The following TNKS variants were observed in gnomAD, a reference collection of about 807,000 sequenced individuals.
TNKS encodes tankyrase.
A neutral mutation model predicts 135.8 loss-of-function variants in TNKS; 72 were observed. The ratio of observed to expected loss-of-function variants is 0.53; its 90% CI spans 0.44 to 0.64. The LOEUF (loss-of-function observed/expected upper bound fraction) is 0.64, where lower values mean the gene tolerates loss of function less well. TNKS is among the 30% of genes least tolerant of loss of function. The pLI is 0.00. For missense variants in TNKS, 1,769 were observed against 1,674.0 expected (o/e 1.06, Z -0.99); for synonymous variants, 849 against 649.3 (o/e 1.31, Z -4.68).
chr8:9,571,994 T>G (rs1797774965), intron 1 of TNKS, among the ~76,000 whole-genome samples: 1 of 152,146 alleles, frequency 6.6e-6, no homozygotes, highest in Non-Finnish European at 1.5e-5. Flanking sequence ...TTGGTTAAGT[T>G]TTCTTTGTAA....
At chr8:9,657,773 A>G (rs1316412529) in intron 3 of TNKS, among the ~76,000 whole-genome samples, 679 of 77,252 alleles carry the variant, frequency 8.8e-3, no homozygotes, top group Middle Eastern at 0.065. Flanking sequence ...CTGGCCGGGC[A>G]GGGGGCTGAC....
At chr8:9,671,416 C>G (rs1296919236) in intron 3 of TNKS, among the ~76,000 whole-genome samples, 2 of 152,146 alleles carry the variant, frequency 1.3e-5, no homozygotes, top group Admixed American at 6.5e-5. Context: ...TGGAATATAA[C>G]TTAACAATAA....
At chr8:9,758,069 T>C (rs1235924625) in intron 20 of TNKS, among the ~76,000 whole-genome samples, 2 of 152,218 alleles carry the variant, frequency 1.3e-5, no homozygotes, top group Non-Finnish European at 2.9e-5. Context: ...TCTCAGCTCT[T>C]CTGTGTACTA....
intron 2 of TNKS, among the ~76,000 whole-genome samples, chr8:9,610,281 G>A (rs946199108): frequency 6.9e-6 from 1 of 145,246 alleles, no homozygotes; most frequent in Admixed American, 6.8e-5. Flanking sequence ...AGATAAAAGA[G>A]TTTTTAAAAA....
At chr8:9,662,044 A>G (rs1334727795) in intron 3 of TNKS, among the ~76,000 whole-genome samples, 1 of 152,244 alleles carries the variant, frequency 6.6e-6, no homozygotes, top group African/African-American at 2.4e-5. Flanking sequence ...ATGAGATACC[A>G]TCTCACACAC....
At chr8:9,603,675 G>A (rs796144171) in intron 2 of TNKS, among the ~76,000 whole-genome samples, 43 of 152,282 alleles carry the variant, frequency 2.8e-4, no homozygotes, top group African/African-American at 9.9e-4. Flanking sequence ...GTTCTCATAG[G>A]TTCCTCCAAA....
At chr8:9,667,327 T>C (rs1177900655) in intron 3 of TNKS, among the ~76,000 whole-genome samples, 1 of 152,232 alleles carries the variant, frequency 6.6e-6, no homozygotes, top group Non-Finnish European at 1.5e-5. Flanking sequence ...TCAGGATATA[T>C]GAACAAAGCG....
At chr8:9,734,226 C>A (rs77956414) in intron 15 of TNKS, among the ~76,000 whole-genome samples, 13,524 of 152,170 alleles carry the variant, frequency 0.089, 727 homozygotes, top group South Asian at 0.17. Flanking sequence ...CCTTGACTTA[C>A]AACTAATTTC....
chr8:9,580,239 C>T lies in TNKS; in HGVS notation c.754C>T (p.Pro252Ser), dbSNP rs1798117507. 6 of 1,614,102 alleles carry T rather than the reference C, an allele frequency of 3.7e-6. No homozygotes were observed. The highest frequency in any genetic ancestry group is 5.1e-6 in the Non-Finnish European group (6 of 1,180,024). The change falls in exon 2 of 27, where the codon CCG (proline) becomes TCG (serine). Residue 252 changes from proline to serine, a missense_variant. By Grantham distance (74) the Pro-to-Ser change is moderately conservative (BLOSUM62 -1). Coordinates refer to ENST00000310430, the MANE Select transcript of TNKS (RefSeq NM_003747.3). ...VHARDDGGLI[P>S]LHNACSFGHA... ...CGCTCGTGATGATGGAGGTCTCATC[C>T]CGCTTCATAATGCCTGTTCTTTTGG... is the stretch of plus-strand genomic sequence containing the variant.
chr8:9,586,495 C>A (rs1441161759), intron 2 of TNKS, among the ~76,000 whole-genome samples: 1 of 151,890 alleles, frequency 6.6e-6, no homozygotes, highest in African/African-American at 2.4e-5. Flanking sequence ...TGAGAGAGAG[C>A]AAAAATAAAA....
intron 11 of TNKS, among the ~76,000 whole-genome samples, chr8:9,718,863 A>G (rs1202397395): frequency 4.6e-5 from 7 of 152,188 alleles, no homozygotes; most frequent in Admixed American, 3.3e-4. Flanking sequence ...CTGAATGTTA[A>G]GTATTTTTTA....
intron 5 of TNKS, among the ~76,000 whole-genome samples, chr8:9,696,522 C>G (rs961153602): frequency 4.6e-5 from 7 of 152,042 alleles, no homozygotes; most frequent in African/African-American, 1.7e-4. Flanking sequence ...TTCACTGACA[C>G]TATGATTTTA....
chr8:9,639,096 A>G (rs1408385759), intron 3 of TNKS, among the ~76,000 whole-genome samples: 1 of 152,194 alleles, frequency 6.6e-6, no homozygotes, highest in Non-Finnish European at 1.5e-5. Context: ...TTAGACTTTT[A>G]TCATCATACT....
At chr8:9,664,154 C>G (rs141026412) in intron 3 of TNKS, among the ~76,000 whole-genome samples, 258 of 152,288 alleles carry the variant, frequency 1.7e-3, no homozygotes, top group African/African-American at 5.8e-3. Flanking sequence ...GTTTATTTGG[C>G]TCACAGTTTT....
intron 3 of TNKS, among the ~76,000 whole-genome samples, chr8:9,668,195 C>T (rs775584882): frequency 6.6e-6 from 1 of 152,102 alleles, no homozygotes; most frequent in Non-Finnish European, 1.5e-5. Flanking sequence ...TTAAAGCTTT[C>T]GGAGATTTAC....
intron 5 of TNKS, among the ~76,000 whole-genome samples, chr8:9,702,400 G>T (rs904315084): frequency 2.0e-5 from 3 of 152,128 alleles, no homozygotes; most frequent in Non-Finnish European, 2.9e-5. Context: ...TATTAATGTA[G>T]AGGAAATATT....
In TNKS at chr8:9,641,984, C is replaced by T. The variant is rs949715867; in HGVS notation, c.994+26307C>T. 4.8e-5 allele frequency among the ~76,000 whole-genome samples: 7 copies of T among 146,188 alleles called. 2 individuals carry two copies. The highest frequency in any genetic ancestry group is 1.5e-4 in the African/African-American group (6 of 39,490). On this transcript the variant is annotated intron_variant, in intron 3 of 26. Transcript: ENST00000310430. Reference sequence around the variant, plus strand: ...TTCCAAGGCAAATCATTGGACACCTCGAATTTCAATTTTTTGCACTTCTGA... The same window carrying T: ...TTCCAAGGCAAATCATTGGACACCTTGAATTTCAATTTTTTGCACTTCTGA...
chr8:9,645,127 C>T (rs1217702407), intron 3 of TNKS, among the ~76,000 whole-genome samples: 1 of 152,042 alleles, frequency 6.6e-6, no homozygotes, highest in East Asian at 1.9e-4. Flanking sequence ...AGTCACCTAC[C>T]CCATCTTAAG....
At chr8:9,615,501 AC>A (rs1379459784) in intron 2 of TNKS, 80 bp from the exon 3 acceptor site, 4 of 1,194,900 alleles carry the variant, frequency 3.3e-6, no homozygotes, top group Non-Finnish European at 3.5e-6. Context: ...GTTTATGCCT[AC>A]ACCATGCCGA....
Sources: gnomAD v4.1 joint callset for allele counts (sites outside exome capture counted in the v4.1 genomes callset) on GRCh38, gnomAD v4.1.1 for gene constraint, MANE v1.5 for transcripts, NCBI Gene and HGNC (gene_info 2026-07-23, HGNC 2026-07-21) for gene names.